The following SERINC5 variants were observed in gnomAD, a reference collection of about 807,000 sequenced individuals.
SERINC5 encodes serine incorporator 5, also known as chromosome 5 open reading frame 12.
In SERINC5, 41 loss-of-function variants were observed where a neutral mutation model predicts 63.1. The observed-to-expected ratio is 0.65, with a 90% CI of 0.51 to 0.84. SERINC5 has a LOEUF of 0.84. Ranked by LOEUF, SERINC5 falls within the 40% of genes least tolerant of loss-of-function variation. SERINC5 has a pLI of 0.00. For synonymous variants in SERINC5, 222 were observed against 215.2 expected (o/e 1.03, Z -0.28); for missense variants, 523 against 573.0 (o/e 0.91, Z 0.89).
chr5:80,234,771 T>C (rs1751610240), intron 1 of SERINC5, among the ~76,000 whole-genome samples: 2 of 152,168 alleles, frequency 1.3e-5, no homozygotes, highest in South Asian at 4.1e-4. Context: ...TGTACCTACA[T>C]ACATGGATAC....
At chr5:80,149,824 GA>G (rs1462773015) in intron 9 of SERINC5, among the ~76,000 whole-genome samples, 1 of 152,152 alleles carries the variant, frequency 6.6e-6, no homozygotes, top group Non-Finnish European at 1.5e-5. Flanking sequence ...GCCATCTTTG[GA>G]ACCCCTGGTT....
At chr5:80,135,113 G>A (rs138639973), downstream of SERINC5, among the ~76,000 whole-genome samples, 317 of 152,248 alleles carry the variant, frequency 2.1e-3, 1 homozygote, top group Middle Eastern at 0.01. Context: ...GCCCAGGCTG[G>A]AGCACAATGG....
chr5:80,208,393 C>A (rs1427972), intron 1 of SERINC5, among the ~76,000 whole-genome samples: 8,984 of 151,210 alleles, frequency 0.059, 898 homozygotes, highest in African/African-American at 0.21. Context: ...AAAACCTAAG[C>A]CTATTTTTTA....
chr5:80,250,488 T>C (rs1257069466), intron 1 of SERINC5, among the ~76,000 whole-genome samples: 2 of 152,206 alleles, frequency 1.3e-5, no homozygotes, highest in Non-Finnish European at 2.9e-5. Context: ...ATTACAGGCA[T>C]ATGCCATCAC....
At chr5:80,171,146 A>C (rs1394088426) in intron 5 of SERINC5, among the ~76,000 whole-genome samples, 2 of 151,894 alleles carry the variant, frequency 1.3e-5, no homozygotes, top group Admixed American at 1.3e-4. Flanking sequence ...AGTAGCTGGG[A>C]TTACAGGTAT....
At chr5:80,159,081 CTT>C (rs1208548937) in intron 7 of SERINC5, 119 bp from the exon 8 acceptor site, 4 of 942,712 alleles carry the variant, frequency 4.2e-6, no homozygotes, top group Non-Finnish European at 6.5e-6. Context: ...ACAGTGAACA[CTT>C]ATCACTGGAA....
intron 1 of SERINC5, among the ~76,000 whole-genome samples, chr5:80,238,550 G>A (rs1303911077): frequency 6.6e-6 from 1 of 152,164 alleles, no homozygotes; most frequent in Admixed American, 6.5e-5. Context: ...TTGGGAGGCT[G>A]ATGCAGGTGG....
In SERINC5 at chr5:80,235,139, A is replaced by G. The variant is rs116378417; in HGVS notation, c.27+20757T>C. Among the ~76,000 whole-genome samples the G allele has an allele frequency of 3.3e-3, 504 of 152,172 alleles. 3 individuals are homozygous for G. Among genetic ancestry groups the G allele is most frequent in the African/African-American group, 0.012 (487 of 41,512 alleles). ...CACCTTTCTACTTTCTATGATTTTG[A>G]CTACTTTAGACACTTCATATGAGTG... On this transcript the variant is annotated intron_variant, in intron 1 of 11. Transcript: ENST00000507668.
intron 1 of SERINC5, among the ~76,000 whole-genome samples, chr5:80,230,789 CTTT>C (rs2112564097): frequency 6.8e-6 from 1 of 147,784 alleles, no homozygotes; most frequent in African/African-American, 2.6e-5. Flanking sequence ...CTCTTTCTTT[CTTT>C]CTTTCTCTCT....
chr5:80,111,419 A>C (rs1057136436), downstream of SERINC5, among the ~76,000 whole-genome samples: 1 of 152,228 alleles, frequency 6.6e-6, no homozygotes, highest in Non-Finnish European at 1.5e-5. Context: ...CAGGAAAGCA[A>C]ACAGTTCCAG....
chr5:80,182,556 T>A (rs374469512), intron 2 of SERINC5, among the ~76,000 whole-genome samples: 2 of 17,260 alleles, frequency 1.2e-4, no homozygotes, highest in East Asian at 2.1e-3. Context: ...CCCCCCCCCC[T>A]CCGCTTTTTT....
chr5:80,144,708 T>G (rs959335074), intron 11 of SERINC5, among the ~76,000 whole-genome samples: 2 of 152,306 alleles, frequency 1.3e-5, no homozygotes, highest in South Asian at 2.1e-4. Context: ...CTCCTAATTT[T>G]ATTTTTCTCC....
chr5:80,251,999 T>G (rs1752447569), intron 1 of SERINC5, among the ~76,000 whole-genome samples: 1 of 99,230 alleles, frequency 1.0e-5, no homozygotes, highest in African/African-American at 3.6e-5. Flanking sequence ...GTCTAGATTT[T>G]CCAAGCACAC....
At chr5:80,190,270 A>C (rs2112456428) in intron 2 of SERINC5, among the ~76,000 whole-genome samples, 1 of 151,328 alleles carries the variant, frequency 6.6e-6, no homozygotes, top group African/African-American at 2.4e-5. Context: ...ACACCATGAC[A>C]CCTGACTAAT....
chr5:80,239,830 G>A (rs186058919), intron 1 of SERINC5, among the ~76,000 whole-genome samples: 64 of 152,242 alleles, frequency 4.2e-4, no homozygotes, highest in African/African-American at 1.5e-3. Context: ...GGAAGTTCCT[G>A]CCTCTGGAGT....
At chr5:80,251,364 G>A (rs1337304201) in intron 1 of SERINC5, among the ~76,000 whole-genome samples, 1 of 152,004 alleles carries the variant, frequency 6.6e-6, no homozygotes, top group Non-Finnish European at 1.5e-5. Context: ...AAATCTTGGT[G>A]ATCTAGAAAT....
chr5:80,202,802 G>A, intron 2 of SERINC5, 84 bp downstream of exon 2: 1 of 1,372,470 alleles, frequency 7.3e-7, no homozygotes, highest in Non-Finnish European at 1.0e-6. Flanking sequence ...GGGGGTACAT[G>A]GACCCCATCT....
chr5:80,176,576 C>T (rs1748046386), intron 4 of SERINC5, among the ~76,000 whole-genome samples: 1 of 152,096 alleles, frequency 6.6e-6, no homozygotes. Flanking sequence ...GGATTACAGG[C>T]ACACACCACC....
chr5:80,181,436 G>A (rs1748418489), intron 2 of SERINC5, among the ~76,000 whole-genome samples: 2 of 151,618 alleles, frequency 1.3e-5, no homozygotes, highest in South Asian at 4.2e-4. Flanking sequence ...GTGTGTGTGT[G>A]TGTGTGTGTA....
Sources: gnomAD v4.1 joint callset for allele counts (sites outside exome capture counted in the v4.1 genomes callset) on GRCh38, gnomAD v4.1.1 for gene constraint, MANE v1.5 for transcripts, NCBI Gene and HGNC (gene_info 2026-07-23, HGNC 2026-07-21) for gene names.